EPS8: variants seen among roughly 807,000 people sequenced by gnomAD.
EPS8 encodes the protein epidermal growth factor receptor kinase substrate 8.
A neutral mutation model predicts 103.8 loss-of-function variants in EPS8; 42 were observed. That is an observed-to-expected ratio of 0.40 (90% CI 0.32 to 0.52). EPS8 has a LOEUF of 0.52. EPS8 is among the 20% of genes least tolerant of loss of function. EPS8 has a pLI of 0.40. For synonymous variants in EPS8, 344 were observed against 344.6 expected, an observed-to-expected ratio of 1.00 and a Z score of 0.02; for missense variants, 969 against 1,005.1, an observed-to-expected ratio of 0.96 and a Z score of 0.49.
chr12:15,787,328 G>T lies in EPS8; in HGVS notation c.-22+1833C>A, dbSNP rs1947321577. Among the ~76,000 whole-genome samples, 1 of 152,088 alleles carries T rather than the reference G, an allele frequency of 6.6e-6. No individual in the cohort carries two copies. Among genetic ancestry groups the T allele is most frequent in the South Asian group, 2.1e-4 (1 of 4,832 alleles). On this transcript the variant is annotated intron_variant, in intron 1 of 20. Coordinates refer to ENST00000281172, the MANE Select transcript of EPS8 (RefSeq NM_004447.6). This position sits in a 1 kb window ranked among gnomAD's most constrained non-coding sequence, Gnocchi z 4.9. Reference sequence around the variant, plus strand: ...CAAGCCTATGCCATAGCATAGAAAAGAACTGGTATCTGAAAAGAATCAGTA... The same window carrying T: ...CAAGCCTATGCCATAGCATAGAAAATAACTGGTATCTGAAAAGAATCAGTA...
At chr12:15,647,348 T>C (rs1945337794) in intron 14 of EPS8, 88 bp from the exon 15 acceptor site, 6 of 1,153,122 alleles carry the variant, frequency 5.2e-6, no homozygotes, top group African/African-American at 1.5e-5. Flanking sequence ...CTCAACTATA[T>C]TGTGATAAGT....
intron 2 of EPS8, 72 bp downstream of exon 2, chr12:15,682,821 A>G: frequency 1.2e-6 from 1 of 841,430 alleles, no homozygotes; most frequent in Non-Finnish European, 1.9e-6. Flanking sequence ...CTTTTCACTA[A>G]AAATATAAAA....
intron 4 of EPS8, among the ~76,000 whole-genome samples, chr12:15,670,604 A>G (rs1429938883): frequency 6.6e-6 from 1 of 152,154 alleles, no homozygotes; most frequent in Admixed American, 6.5e-5. Context: ...CCATTATTCT[A>G]TTATAAGTGA....
At position 15,748,362 on chromosome 12, in the gene EPS8, C is replaced by T. The variant is rs1946896662; in HGVS notation, c.-22+40799G>A. Among the ~76,000 whole-genome samples, 1 of 152,160 alleles carries T rather than the reference C, an allele frequency of 6.6e-6. No homozygotes were observed. The highest frequency in any genetic ancestry group is 1.5e-5 in the Non-Finnish European group (1 of 68,030). ...GTATTCATCTATTACCAAATAAATT[C>T]ACCTAGTAGGAAAACTAAAGTGATG... On this transcript the variant is annotated intron_variant, in intron 1 of 20. Transcript: ENST00000281172. The surrounding 1 kb of genome is among the most constrained non-coding windows in gnomAD (Gnocchi z 4.8).
rs149328031 is a variant in EPS8, at chr12:15,718,921, T to G, written c.-21-35949A>C. Among the ~76,000 whole-genome samples, 49 of 152,242 alleles carry G rather than the reference T, an allele frequency of 3.2e-4. 3 individuals carry two copies. The East Asian group carries it at 7.5e-3, about 23-fold the overall frequency. On this transcript the variant is annotated intron_variant, in intron 1 of 20. Transcript: ENST00000281172. ...AGAAGTATCAATCCTTTCTGGAGTA[T>G]TTTTACCTTAACTCTGAAATACTGT...
Position 15,666,480 on chromosome 12 carries a change from T to A in EPS8, c.559A>T (p.Ser187Cys). Residue 187 changes from serine (S) to cysteine (C), a missense_variant, in exon 7 of 21, where the codon AGT becomes TGT. By Grantham distance (112) the Ser-to-Cys change is moderately radical (BLOSUM62 -1). Coordinates refer to ENST00000281172, the MANE Select transcript of EPS8 (RefSeq NM_004447.6). ...SEDIESAISD[S>C]KGGKQKRRPD... Reference sequence around the variant, plus strand: ...CGCCTCTTCTGTTTCCCTCCTTTACTGTCACTGATTGCACTTTCAATATCT... The same window carrying A: ...CGCCTCTTCTGTTTCCCTCCTTTACAGTCACTGATTGCACTTTCAATATCT... 6.2e-7 allele frequency: 1 copy of A among 1,614,034 alleles called. No homozygotes were observed. Among genetic ancestry groups the A allele is most frequent in the Non-Finnish European group, 8.5e-7 (1 of 1,179,874 alleles).
intron 17 of EPS8, among the ~76,000 whole-genome samples, chr12:15,634,055 C>G (rs12321905): frequency 0.016 from 2,493 of 152,274 alleles, 47 homozygotes; most frequent in African/African-American, 0.047. Flanking sequence ...TCTTGGAGAA[C>G]AGAAGTGCAC....
At chr12:15,659,390 G>C (rs1384572772) in intron 10 of EPS8, among the ~76,000 whole-genome samples, 1 of 152,034 alleles carries the variant, frequency 6.6e-6, no homozygotes, top group Admixed American at 6.6e-5. Context: ...AATGAAAAGG[G>C]AAAAAACTGG....
Position 15,749,735 on chromosome 12 carries a change from TA to T in EPS8, c.-22+39425del, listed in dbSNP as rs1946912041. ...TTGCATTGTTCATTAAAATCAAATATAAAATTAAGTGATTACATGTTGAGAT... is the reference window on the plus strand; with the variant it reads ...TTGCATTGTTCATTAAAATCAAATATAAATTAAGTGATTACATGTTGAGAT... On this transcript the variant is annotated intron_variant, in intron 1 of 20. Transcript: ENST00000281172. The surrounding 1 kb of genome is among the most constrained non-coding windows in gnomAD (Gnocchi z 4.0). 6.6e-6 allele frequency among the ~76,000 whole-genome samples: 1 copy of T among 152,174 alleles called. No homozygotes were observed. Among genetic ancestry groups the T allele is most frequent in the African/African-American group, 2.4e-5 (1 of 41,430 alleles).
In EPS8 at chr12:15,702,806, G is replaced by A. The variant is rs147538447; in HGVS notation, c.-21-19834C>T. On this transcript the variant is annotated intron_variant, in intron 1 of 20. Transcript: ENST00000281172. This position sits in a 1 kb window ranked among gnomAD's most constrained non-coding sequence, Gnocchi z 5.1. Reference sequence around the variant, plus strand: ...ATGAAAGGAATTCTAGCTTATGCACGTAATGGTTATTAAAGGTAAACATTC... The same window carrying A: ...ATGAAAGGAATTCTAGCTTATGCACATAATGGTTATTAAAGGTAAACATTC... Among the ~76,000 whole-genome samples the A allele has an allele frequency of 1.3e-5, 2 of 152,068 alleles. No individual in the cohort carries two copies. Among genetic ancestry groups the A allele is most frequent in the African/African-American group, 2.4e-5 (1 of 41,392 alleles).
At position 15,650,793 on chromosome 12, in the gene EPS8, T is replaced by C. The variant is rs1223383921; in HGVS notation, c.1434+30A>G. The C allele has an allele frequency of 2.6e-6, 4 of 1,554,388 alleles. No homozygotes were observed. In the African/African-American group the frequency reaches 5.4e-5, roughly 21 times the overall value. On this transcript the variant is annotated intron_variant, in intron 14 of 20. Transcript: ENST00000281172. ...AGAATACACAGATAATTACACTGTC[T>C]ACAGAGGGCAATGTTAAAAAAAAAA...
chr12:15,688,725 C>T lies in EPS8; in HGVS notation c.-21-5753G>A, dbSNP rs1946130488. ...TGAGAGCTACCTCCACTCAATAAAA[C>T]CCTGCACTCATTCTCTAAGCCCACG... On this transcript the variant is annotated intron_variant, in intron 1 of 20. Coordinates refer to ENST00000281172, the MANE Select transcript of EPS8 (RefSeq NM_004447.6). The surrounding 1 kb of genome is among the most constrained non-coding windows in gnomAD (Gnocchi z 5.1). Among the ~76,000 whole-genome samples the T allele has an allele frequency of 6.6e-6, 1 of 152,100 alleles. No homozygotes were observed.
In EPS8 at chr12:15,761,592, G is replaced by A. The variant is rs553075593; in HGVS notation, c.-22+27569C>T. On this transcript the variant is annotated intron_variant, in intron 1 of 20. Transcript: ENST00000281172. The surrounding 1 kb of genome is among the most constrained non-coding windows in gnomAD (Gnocchi z 4.5). Reference sequence around the variant, plus strand: ...GAACTGGAATAAAAACAGACACATAGACCAATAGAAAAGAATAGAGAACCC... The same window carrying A: ...GAACTGGAATAAAAACAGACACATAAACCAATAGAAAAGAATAGAGAACCC... Among the ~76,000 whole-genome samples, 88 of 152,114 alleles carry A rather than the reference G, an allele frequency of 5.8e-4. 1 individual carries two copies. The highest frequency in any genetic ancestry group is 6.8e-3 in the Middle Eastern group (2 of 294).
chr12:15,641,286 G>A (rs1945224142), intron 16 of EPS8, among the ~76,000 whole-genome samples: 1 of 151,986 alleles, frequency 6.6e-6, no homozygotes, highest in African/African-American at 2.4e-5. Context: ...CTAACAAAGA[G>A]AAGTTGGTGT....
intron 16 of EPS8, among the ~76,000 whole-genome samples, chr12:15,641,270 T>C (rs987616761): frequency 3.3e-5 from 5 of 152,170 alleles, no homozygotes; most frequent in African/African-American, 1.2e-4. Flanking sequence ...AACTGTCAAT[T>C]AGAATCTAAC....
intron 14 of EPS8, among the ~76,000 whole-genome samples, chr12:15,647,797 G>A (rs1200106966): frequency 2.0e-5 from 3 of 152,164 alleles, no homozygotes; most frequent in East Asian, 3.8e-4. Context: ...TGACAGTTGA[G>A]GTTCATAGGT....
rs1046453549 is a variant in EPS8, at chr12:15,654,196, C to T, written c.1199G>A (p.Gly400Asp). The T allele has an allele frequency of 1.9e-6, 3 of 1,613,840 alleles. No homozygotes were observed. Among genetic ancestry groups the T allele is most frequent in the Non-Finnish European group, 2.5e-6 (3 of 1,179,796 alleles). ...TIDFLNYTVN[G>D]DERQLWMSLG... is the part of the protein sequence containing the mutation. ...TGACATCCACAGCTGCCGTTCATCA[C>T]CATTGACAGTATAATTTAAGAAATC... is the stretch of plus-strand genomic sequence containing the variant. Residue 400 changes from glycine to aspartate, a missense_variant, in exon 13 of 21, where the codon GGT (glycine) becomes GAT (aspartate). By Grantham distance (94) the Gly-to-Asp change is moderately conservative (BLOSUM62 -1). Transcript: ENST00000281172.
At position 15,662,078 on chromosome 12, in the gene EPS8, T is replaced by G; in HGVS notation, c.758A>C (p.His253Pro). The change falls in exon 9 of 21, where the codon CAT becomes CCT. Residue 253 changes from histidine to proline, a missense_variant. By Grantham distance (77) the His-to-Pro change is moderately conservative. Transcript: ENST00000281172. ...QGDFEKPRQY[H>P]EQEETPEMMA... The stretch of plus-strand genomic sequence containing the variant: ...CATCTCAGGTGTTTCTTCCTGCTCA[T>G]GATACTGCCTTGGTTTCTCAACTAT... The G allele has an allele frequency of 6.2e-7, 1 of 1,613,930 alleles. No individual in the cohort carries two copies. The highest frequency in any genetic ancestry group is 1.1e-5 in the South Asian group (1 of 91,082).
In EPS8 at chr12:15,731,305, CT is replaced by C. The variant is rs538884764; in HGVS notation, c.-21-48334del. Among the ~76,000 whole-genome samples the C allele has an allele frequency of 0.011, 1,586 of 144,890 alleles. 22 individuals carry two copies. The highest frequency in any genetic ancestry group is 0.034 in the African/African-American group (1,338 of 39,882). On this transcript the variant is annotated intron_variant, in intron 1 of 20. Coordinates refer to ENST00000281172, the MANE Select transcript of EPS8 (RefSeq NM_004447.6). The surrounding 1 kb of genome is among the most constrained non-coding windows in gnomAD (Gnocchi z 5.1). ...TCCACCATTAAAAATATTTAATTGACTTTTTTTTTTTTAGATGGAGTCTCAC... is the reference window on the plus strand; with the variant it reads ...TCCACCATTAAAAATATTTAATTGACTTTTTTTTTTTAGATGGAGTCTCAC...
Sources: gnomAD v4.1 joint callset for allele counts (sites outside exome capture counted in the v4.1 genomes callset) on GRCh38, gnomAD v4.1.1 for gene constraint, Gnocchi (gnomAD v3.1) non-coding constraint, MANE v1.5 for transcripts, NCBI Gene and HGNC (gene_info 2026-07-23, HGNC 2026-07-21) for gene names.